The following RNPS1 variants were observed in gnomAD, a reference collection of about 807,000 sequenced individuals.
RNPS1 encodes the protein RNA-binding protein with serine-rich domain 1.
For missense variants in RNPS1, 300 were observed against 427.6 expected, an observed-to-expected ratio of 0.70 and a Z score of 2.63; for synonymous variants, 147 against 150.0, an observed-to-expected ratio of 0.98 and a Z score of 0.15.
intron 4 of RNPS1, 50 bp from the exon 5 acceptor site, chr16:2,262,892 T>G: frequency 6.6e-7 from 1 of 1,511,374 alleles, no homozygotes; most frequent in Non-Finnish European, 9.2e-7. Flanking sequence ...AGTCAAAATG[T>G]ACTAGACGCC....
chr16:2,254,185 G>C, intron 7 of RNPS1, 122 bp from the exon 8 acceptor site: 5 of 680,156 alleles, frequency 7.4e-6, no homozygotes, highest in Non-Finnish European at 1.2e-5. Context: ...CTCCAGGCCA[G>C]AGTGCAGTGG....
chr16:2,260,403 T>G (rs910036246), intron 6 of RNPS1, among the ~76,000 whole-genome samples: 1 of 152,114 alleles, frequency 6.6e-6, no homozygotes, highest in Non-Finnish European at 1.5e-5. Flanking sequence ...TGATCCATGT[T>G]GCCCAGTCTA....
intron 1 of RNPS1, 63 bp downstream of exon 1, chr16:2,267,992 T>C: frequency 5.9e-6 from 9 of 1,533,406 alleles, no homozygotes; most frequent in Non-Finnish European, 7.8e-6. Context: ...TCACGAGGCG[T>C]CCTGCCGGGC....
At chr16:2,254,594 G>A (rs1359846438) in intron 7 of RNPS1, among the ~76,000 whole-genome samples, 3 of 151,574 alleles carry the variant, frequency 2.0e-5, no homozygotes, top group African/African-American at 7.3e-5. Flanking sequence ...ACCATGCTAG[G>A]CCTAATTTTT....
intron 6 of RNPS1, chr16:2,258,684 C>CCA (rs1221636564): frequency 1.1e-4 from 17 of 152,156 alleles, no homozygotes; most frequent in Admixed American, 3.3e-4. Context: ...CAAAATCATG[C>CCA]CACTGCACAC....
chr16:2,259,408 G>A (rs1182567378), intron 6 of RNPS1, among the ~76,000 whole-genome samples: 1 of 152,152 alleles, frequency 6.6e-6, no homozygotes, highest in African/African-American at 2.4e-5. Flanking sequence ...CGTCAATTGT[G>A]TCTTTAACTA....
rs1190251482 is a variant in RNPS1 at position 2,253,627 on chromosome 16, GGGAA to G, written c.*333_*336del. ...GCCTGGCCACCATCCCAGGTCATCG[GGGAA>G]GGGAAAAGTGTGCTCCCAGGTAAGC... On this transcript the variant is annotated 3_prime_UTR_variant, in exon 8 of 8. Coordinates refer to ENST00000320225, the MANE Select transcript of RNPS1 (RefSeq NM_080594.4). 2 of 443,618 alleles carry G rather than the reference GGGAA, an allele frequency of 4.5e-6. No homozygotes were observed. Among genetic ancestry groups the G allele is most frequent in the Non-Finnish European group, 8.3e-6 (2 of 240,914 alleles). The allele number at this position is 443,618 out of a possible 1,614,324, so 27.5% of individuals were successfully genotyped here.
In RNPS1 at chr16:2,264,370, T is replaced by C. The variant is rs368709634; in HGVS notation, c.72-39A>G. On this transcript the variant is annotated intron_variant, in intron 2 of 7. Coordinates refer to ENST00000320225, the MANE Select transcript of RNPS1 (RefSeq NM_080594.4). The stretch of plus-strand genomic sequence containing the variant: ...AAGAGTGTGAGATTGCGTGCTCCTC[T>C]GACCAAACCCAAACAGCACAACCCA... 1.7e-4 allele frequency: 278 copies of C among 1,613,478 alleles called. 1 individual carries two copies. Among genetic ancestry groups the C allele is most frequent in the Admixed American group, 4.3e-4 (26 of 59,982 alleles).
At chr16:2,265,971 A>T in intron 1 of RNPS1, 1 of 349,802 alleles carries the variant, frequency 2.9e-6, no homozygotes, top group Non-Finnish European at 4.0e-6. Context: ...CAAATTACTC[A>T]AAAACAAATT....
chr16:2,266,818 T>G (rs1017056699), intron 1 of RNPS1: 36 of 574,162 alleles, frequency 6.3e-5, no homozygotes, highest in Non-Finnish European at 7.5e-5. Context: ...ATCCAAAATA[T>G]TATCTTTCCA....
At chr16:2,266,036 T>G in intron 1 of RNPS1, 1 of 841,294 alleles carries the variant, frequency 1.2e-6, no homozygotes, top group Non-Finnish European at 1.4e-6. Context: ...GTATTTCTAG[T>G]AAGGCTCTGC....
chr16:2,254,955 G>A lies in RNPS1; in HGVS notation c.818+630C>T, dbSNP rs1481170731. On this transcript the variant is annotated intron_variant, in intron 7 of 7. Coordinates refer to ENST00000320225, the MANE Select transcript of RNPS1 (RefSeq NM_080594.4). ...GACAAGGTTTCACTGTATTAGCCAG[G>A]GTGGTCTCGATCTCCTAACCTCGTG... Among the ~76,000 whole-genome samples the A allele has an allele frequency of 3.3e-5, 5 of 151,852 alleles. No homozygotes were observed. In the East Asian group the frequency reaches 9.7e-4, roughly 29 times the overall value.
At chr16:2,267,468 T>C in intron 1 of RNPS1, 1 of 977,380 alleles carries the variant, frequency 1.0e-6, no homozygotes, top group Admixed American at 6.1e-5. Context: ...CGGTCCATAG[T>C]GGGCCGTATC....
Position 2,253,657 on chromosome 16 carries a change from A to C in RNPS1, c.*307T>G. On this transcript the variant is annotated 3_prime_UTR_variant, in exon 8 of 8. Coordinates refer to ENST00000320225, the MANE Select transcript of RNPS1 (RefSeq NM_080594.4). ...GGGAAAAGTGTGCTCCCAGGTAAGC[A>C]GGGTCAAACCACCCCCAAGAGCCTC... The C allele has an allele frequency of 2.0e-6, 1 of 511,856 alleles. No individual in the cohort carries two copies. The highest frequency in any genetic ancestry group is 2.1e-5 in the South Asian group (1 of 47,994). The allele number at this position is 511,856 out of a possible 1,614,324, so 31.7% of individuals were successfully genotyped here. A position where few individuals can be genotyped will look rare whatever the true frequency, so the allele number is the denominator to read the frequency against.
chr16:2,261,419 C>T (rs1438786537), intron 6 of RNPS1, among the ~76,000 whole-genome samples: 1 of 152,206 alleles, frequency 6.6e-6, no homozygotes, highest in Admixed American at 6.5e-5. Context: ...GTGTTTGGTG[C>T]CCCATGACGA....
intron 6 of RNPS1, chr16:2,256,976 G>A (rs116146324): frequency 6.6e-6 from 1 of 152,288 alleles, no homozygotes; most frequent in Non-Finnish European, 1.5e-5. Context: ...CTGACGGAGA[G>A]GTGGGGCTGC....
chr16:2,267,962 G>C, intron 1 of RNPS1, 93 bp downstream of exon 1: 2 of 1,533,138 alleles, frequency 1.3e-6, no homozygotes, highest in Non-Finnish European at 1.7e-6. Context: ...CGCACTGCGG[G>C]GCTGAGGAGT....
intron 6 of RNPS1, chr16:2,258,325 G>A (rs944847379): frequency 2.0e-5 from 3 of 152,130 alleles, no homozygotes; most frequent in Non-Finnish European, 2.9e-5. Context: ...GTTAATCTAC[G>A]CATATTTGCT....
rs756465309 is a variant in RNPS1, at chr16:2,268,074, C to G, written c.-137G>C. ...ACTTACATCTTCCCGCCGCCGCCAC[C>G]TCCTCCTGCTTTCCTCAGCCGCCGA... On this transcript the variant is annotated 5_prime_UTR_variant, in exon 1 of 8. Transcript: ENST00000320225. The G allele has an allele frequency of 1.2e-5, 18 of 1,535,364 alleles. 1 individual carries two copies. In the African/African-American group the frequency reaches 1.8e-4, roughly 15 times the overall value.
Sources: allele counts gnomAD v4.1 joint callset (sites outside exome capture counted in the v4.1 genomes callset), GRCh38; gene constraint gnomAD v4.1.1; transcripts MANE v1.5; gene names NCBI Gene and HGNC (gene_info 2026-07-23, HGNC 2026-07-21).